PDZRN3: variants seen among roughly 807,000 people sequenced by gnomAD.
PDZRN3 encodes PDZ domain containing ring finger 3.
In PDZRN3, 38 loss-of-function variants were observed where a neutral mutation model predicts 85.7. That is an observed-to-expected ratio of 0.44 (90% CI 0.34 to 0.58). The LOEUF (loss-of-function observed/expected upper bound fraction) is 0.58. PDZRN3 is among the 20% of genes least tolerant of loss of function. The pLI, the probability that PDZRN3 is intolerant of heterozygous loss-of-function variation, is 0.01. For missense variants in PDZRN3, 1,629 were observed against 1,506.4 expected (o/e 1.08, Z -1.35); for synonymous variants, 759 against 638.0 (o/e 1.19, Z -2.86).
chr3:73,560,199 T>G (rs556511460), intron 3 of PDZRN3, among the ~76,000 whole-genome samples: 1 of 152,208 alleles, frequency 6.6e-6, no homozygotes, highest in African/African-American at 2.4e-5. Context: ...AGAAAAACAT[T>G]TTCGAAGAGC....
intron 1 of PDZRN3, among the ~76,000 whole-genome samples, chr3:73,617,382 C>G (rs1333922035): frequency 6.6e-6 from 1 of 152,158 alleles, no homozygotes; most frequent in African/African-American, 2.4e-5. Flanking sequence ...TATTAGGACA[C>G]TATTAGTCAA....
At position 73,457,530 on chromosome 3, in the gene PDZRN3, C is replaced by T. The variant is rs116066990; in HGVS notation, c.919-53135G>A. 1.3e-3 allele frequency among the ~76,000 whole-genome samples: 203 copies of T among 152,172 alleles called. 1 individual carries two copies. The highest frequency in any genetic ancestry group is 6.6e-3 in the South Asian group (32 of 4,824). ...TATTGACAGCCATACTCCTAGGGTG[C>T]GTGCTGTTCCATGTGCCCCCTGGAT... On this transcript the variant is annotated intron_variant, in intron 3 of 9. Coordinates refer to ENST00000263666, the MANE Select transcript of PDZRN3 (RefSeq NM_015009.3).
In PDZRN3 at chr3:73,383,519, T is replaced by G. The variant is rs1262397961; in HGVS notation, c.3047A>C (p.Asn1016Thr). 1 of 1,614,202 alleles carries G rather than the reference T, an allele frequency of 6.2e-7. No homozygotes were observed. Among genetic ancestry groups the G allele is most frequent in the Admixed American group, 1.7e-5 (1 of 60,030 alleles). ...CTTTTTGTGGCTCAGTTCGAGAATG[T>G]TCATCTCCTTCCTGTCATCGGCTGC... ...QQAADDRKEM[N>T]ILELSHKKMM... The change falls in exon 10 of 10, where the codon AAC becomes ACC. Residue 1016 changes from asparagine to threonine, a missense_variant. Coordinates refer to ENST00000263666, the MANE Select transcript of PDZRN3 (RefSeq NM_015009.3).
At chr3:73,448,602 T>G (rs1222080009) in intron 3 of PDZRN3, among the ~76,000 whole-genome samples, 1 of 152,106 alleles carries the variant, frequency 6.6e-6, no homozygotes, top group East Asian at 1.9e-4. Context: ...TTTTTTTTCC[T>G]GGGGACTAAG....
intron 4 of PDZRN3, among the ~76,000 whole-genome samples, chr3:73,403,296 C>G (rs1039006345): frequency 2.0e-5 from 3 of 152,192 alleles, no homozygotes; most frequent in Admixed American, 1.3e-4. Flanking sequence ...TGGGGGCCAG[C>G]AGTCTATCAC....
intron 3 of PDZRN3, among the ~76,000 whole-genome samples, chr3:73,575,253 T>C (rs1246093267): frequency 6.6e-6 from 1 of 152,168 alleles, no homozygotes; most frequent in Admixed American, 6.5e-5. Context: ...TGTGTGTTTT[T>C]TGCAGTTCAC....
At chr3:73,520,297 A>C (rs1327115233) in intron 3 of PDZRN3, among the ~76,000 whole-genome samples, 1 of 152,062 alleles carries the variant, frequency 6.6e-6, no homozygotes, top group Non-Finnish European at 1.5e-5. Context: ...TTGATCCCAG[A>C]AGTTCAAGAG....
chr3:73,420,376 T>A (rs1702174771), intron 3 of PDZRN3, among the ~76,000 whole-genome samples: 1 of 152,220 alleles, frequency 6.6e-6, no homozygotes, highest in Non-Finnish European at 1.5e-5. Context: ...ACCTTGTTAG[T>A]TGGACCACTG....
At chr3:73,401,342 A>G (rs1701745349) in intron 4 of PDZRN3, among the ~76,000 whole-genome samples, 1 of 152,160 alleles carries the variant, frequency 6.6e-6, no homozygotes, top group South Asian at 2.1e-4. Context: ...AAACAGGACA[A>G]TATTTTACTG....
chr3:73,458,983 C>G (rs1179021885), intron 3 of PDZRN3, among the ~76,000 whole-genome samples: 2 of 142,788 alleles, frequency 1.4e-5, no homozygotes, highest in Non-Finnish European at 3.0e-5. Flanking sequence ...CAGAGCAAAA[C>G]TCCATCTCAA....
intron 3 of PDZRN3, among the ~76,000 whole-genome samples, chr3:73,480,107 T>C (rs1051725382): frequency 6.6e-6 from 1 of 152,206 alleles, no homozygotes; most frequent in African/African-American, 2.4e-5. Context: ...ATAACTCTAC[T>C]AATACTCCCC....
intron 1 of PDZRN3, among the ~76,000 whole-genome samples, chr3:73,613,121 T>C (rs571258138): frequency 2.0e-4 from 31 of 152,366 alleles, no homozygotes; most frequent in Admixed American, 1.8e-3. Flanking sequence ...TAACTGTATC[T>C]ATCTTTCTCC....
intron 3 of PDZRN3, among the ~76,000 whole-genome samples, chr3:73,548,361 T>G (rs1293309576): frequency 6.6e-6 from 1 of 152,186 alleles, no homozygotes; most frequent in Non-Finnish European, 1.5e-5. Context: ...TACAGACGTT[T>G]TATTTCCCCA....
At chr3:73,433,748 C>A in intron 3 of PDZRN3, 1 of 1,535,590 alleles carries the variant, frequency 6.5e-7, no homozygotes, top group Admixed American at 2.0e-5. Context: ...TTCTCGCCAG[C>A]ACCCGGGAAA....
chr3:73,601,637 G>T (rs1221266515), intron 3 of PDZRN3, among the ~76,000 whole-genome samples: 1 of 152,100 alleles, frequency 6.6e-6, no homozygotes, highest in African/African-American at 2.4e-5. Flanking sequence ...CATATGAGAA[G>T]GCAACAAATC....
At chr3:73,457,336 G>A (rs1026612670) in intron 3 of PDZRN3, among the ~76,000 whole-genome samples, 6 of 152,106 alleles carry the variant, frequency 3.9e-5, no homozygotes, top group African/African-American at 1.4e-4. Context: ...GCCTTCCAAA[G>A]TGCTGGGATT....
At chr3:73,606,539 T>C (rs1480605278) in intron 2 of PDZRN3, among the ~76,000 whole-genome samples, 2 of 152,230 alleles carry the variant, frequency 1.3e-5, no homozygotes, top group Middle Eastern at 3.4e-3. Context: ...CTCAGACAAC[T>C]GGTAAAAGGA....
chr3:73,392,273 G>A lies in PDZRN3; in HGVS notation c.1255-1157C>T, dbSNP rs182857816. ...GGTGGCCAGGTGGCAGAGCTAGACC[G>A]GGCAGGGCCCACAGGCCAGCATGAG... is the stretch of plus-strand genomic sequence containing the variant. On this transcript the variant is annotated intron_variant, in intron 5 of 9. Transcript: ENST00000263666. Among the ~76,000 whole-genome samples the A allele has an allele frequency of 1.5e-3, 222 of 152,356 alleles. 2 individuals carry two copies. Among genetic ancestry groups the A allele is most frequent in the African/African-American group, 5.0e-3 (208 of 41,580 alleles).
chr3:73,549,878 C>T (rs1441903888), intron 3 of PDZRN3, among the ~76,000 whole-genome samples: 2 of 152,126 alleles, frequency 1.3e-5, no homozygotes, highest in African/African-American at 4.8e-5. Context: ...ATTTGCTAAC[C>T]TTAGTAACAA....
Sources: allele counts gnomAD v4.1 joint callset (sites outside exome capture counted in the v4.1 genomes callset), GRCh38; gene constraint gnomAD v4.1.1; transcripts MANE v1.5; gene names NCBI Gene and HGNC (gene_info 2026-07-23, HGNC 2026-07-21).